Variants in MFHAS1 observed in about 807,000 individuals in gnomAD.
MFHAS1 encodes the protein multifunctional ROCO family signaling regulator 1.
A neutral mutation model predicts 70.4 loss-of-function variants in MFHAS1; 50 were observed. The observed-to-expected ratio is 0.71, with a 90% confidence interval of 0.57 to 0.90. The LOEUF (loss-of-function observed/expected upper bound fraction) is 0.90, where lower values mean the gene tolerates loss of function less well. MFHAS1 is among the 40% of genes least tolerant of loss of function. The pLI is 0.00. For missense variants in MFHAS1, 1,795 were observed against 1,347.6 expected (o/e 1.33, Z -5.20); for synonymous variants, 952 against 620.0 (o/e 1.54, Z -7.96).
At chr8:8,856,115 G>C (rs1472895777) in intron 1 of MFHAS1, among the ~76,000 whole-genome samples, 1 of 152,164 alleles carries the variant, frequency 6.6e-6, no homozygotes, top group African/African-American at 2.4e-5. Flanking sequence ...TGAGATGAGG[G>C]ATTCCCCATG....
intron 1 of MFHAS1, among the ~76,000 whole-genome samples, chr8:8,843,368 G>C (rs1585047184): frequency 6.6e-6 from 1 of 151,864 alleles, no homozygotes; most frequent in Non-Finnish European, 1.5e-5. Context: ...CAAATCACTT[G>C]AGGCCAGGAG....
chr8:8,804,391 A>C (rs1806206569), intron 1 of MFHAS1, among the ~76,000 whole-genome samples: 1 of 152,224 alleles, frequency 6.6e-6, no homozygotes, highest in South Asian at 2.1e-4. Context: ...AACTTCAATA[A>C]AATAAAATAA....
intron 1 of MFHAS1, among the ~76,000 whole-genome samples, chr8:8,857,470 G>C (rs1355992159): frequency 6.6e-6 from 1 of 152,054 alleles, no homozygotes; most frequent in Non-Finnish European, 1.5e-5. Flanking sequence ...AATTAAAAAT[G>C]AGTTCAGGCC....
At chr8:8,792,410 G>A (rs544529948) in intron 2 of MFHAS1, among the ~76,000 whole-genome samples, 11 of 152,284 alleles carry the variant, frequency 7.2e-5, no homozygotes, top group Non-Finnish European at 1.3e-4. Context: ...AGACCAGCCT[G>A]GTCAACATGG....
rs372634552 is a variant in MFHAS1 at position 8,891,443 on chromosome 8, G to C, written c.1616C>G (p.Ala539Gly). 7 of 1,612,896 alleles carry C rather than the reference G, an allele frequency of 4.3e-6. No homozygotes were observed. Among genetic ancestry groups the C allele is most frequent in the Non-Finnish European group, 5.1e-6 (6 of 1,180,044 alleles). The change falls in exon 1 of 3, where the codon GCA becomes GGA. Residue 539 changes from alanine (A) to glycine (G), a missense_variant. Physicochemically the swap from Ala to Gly is moderately conservative, Grantham distance 60. Coordinates refer to ENST00000276282, the MANE Select transcript of MFHAS1 (RefSeq NM_004225.3). This position sits in a 1 kb window ranked among gnomAD's most constrained non-coding sequence, Gnocchi z 5.4. ...HAVVCIVGTH[A>G]DLCGERELEE... The stretch of plus-strand genomic sequence containing the variant: ...CAGCTCACGCTCTCCGCACAGGTCT[G>C]CGTGGGTGCCCACGATGCACACCAC...
chr8:8,831,926 G>C (rs1435571107), intron 1 of MFHAS1, among the ~76,000 whole-genome samples: 3 of 152,064 alleles, frequency 2.0e-5, no homozygotes, highest in African/African-American at 4.8e-5. Flanking sequence ...ATTGATTTTT[G>C]ACAAGAGCCC....
chr8:8,793,971 T>G (rs1038840190), intron 2 of MFHAS1, among the ~76,000 whole-genome samples: 7 of 152,162 alleles, frequency 4.6e-5, no homozygotes, highest in Admixed American at 4.6e-4. Context: ...ATGGATCACT[T>G]GAGGTCAGGA....
At chr8:8,835,606 T>A (rs1285177375) in intron 1 of MFHAS1, among the ~76,000 whole-genome samples, 1 of 152,242 alleles carries the variant, frequency 6.6e-6, no homozygotes, top group East Asian at 1.9e-4. Flanking sequence ...TTTCAACAAC[T>A]TAATTTTCAG....
chr8:8,850,929 C>G (rs1056865588), intron 1 of MFHAS1, among the ~76,000 whole-genome samples: 3 of 152,140 alleles, frequency 2.0e-5, no homozygotes, highest in Admixed American at 1.3e-4. Context: ...CTTCTCTTTC[C>G]CCATCTCCAG....
At chr8:8,794,841 G>C (rs762309321) in intron 2 of MFHAS1, among the ~76,000 whole-genome samples, 1 of 152,138 alleles carries the variant, frequency 6.6e-6, no homozygotes, top group East Asian at 1.9e-4. Flanking sequence ...ATGTACCGCC[G>C]CTTACCCATG....
chr8:8,890,788 A>G lies in MFHAS1; in HGVS notation c.2271T>C (p.Ser757=). The part of the protein sequence containing the change: ...LLLHKLLLGT[S]GEGKAEGESS... ...TTTCCCCCTCCGCCTTGCCCTCTCC[A>G]CTGGTCCCTAGGAGCAGCTTATGCA... Residue 757 remains serine, a synonymous_variant, in exon 1 of 3, where the codon AGT becomes AGC. Coordinates refer to ENST00000276282, the MANE Select transcript of MFHAS1 (RefSeq NM_004225.3). 1 of 1,614,046 alleles carries G rather than the reference A, an allele frequency of 6.2e-7. No individual in the cohort carries two copies.
chr8:8,886,567 C>T (rs1193641927), intron 1 of MFHAS1, among the ~76,000 whole-genome samples: 1 of 152,192 alleles, frequency 6.6e-6, no homozygotes, highest in East Asian at 1.9e-4. Context: ...GAAAATCCAA[C>T]AGGACAAGGC....
chr8:8,849,144 G>A (rs146394997), intron 1 of MFHAS1, among the ~76,000 whole-genome samples: 7 of 123,990 alleles, frequency 5.6e-5, no homozygotes, highest in African/African-American at 1.8e-4. Context: ...GCAATGGCAC[G>A]ATCTCAGCTC....
At chr8:8,787,214 A>G (rs138255694) in intron 2 of MFHAS1, among the ~76,000 whole-genome samples, 3,934 of 151,874 alleles carry the variant, frequency 0.026, 83 homozygotes, top group Middle Eastern at 0.037. Flanking sequence ...CCGAGTAGCT[A>G]GGACTACATG....
intron 1 of MFHAS1, among the ~76,000 whole-genome samples, chr8:8,884,885 C>CA (rs1487600457): frequency 6.6e-6 from 1 of 152,016 alleles, no homozygotes; most frequent in East Asian, 1.9e-4. Context: ...CCCAAGAGGT[C>CA]GAGGCTGCAG....
intron 2 of MFHAS1, among the ~76,000 whole-genome samples, chr8:8,790,849 G>C (rs192764313): frequency 6.6e-6 from 1 of 152,252 alleles, no homozygotes; most frequent in South Asian, 2.1e-4. Context: ...TACTGCAACT[G>C]GTCTTAAATG....
At chr8:8,849,510 G>A (rs111339513) in intron 1 of MFHAS1, among the ~76,000 whole-genome samples, 5,370 of 152,272 alleles carry the variant, frequency 0.035, 153 homozygotes, top group Non-Finnish European at 0.054. Flanking sequence ...TGTGTATTCT[G>A]TGTCAGTAAG....
At chr8:8,833,162 G>C (rs1293992205) in intron 1 of MFHAS1, among the ~76,000 whole-genome samples, 1 of 152,074 alleles carries the variant, frequency 6.6e-6, no homozygotes, top group African/African-American at 2.4e-5. Context: ...CCACCAAAGG[G>C]GGACTGGTGC....
chr8:8,848,917 A>T (rs112929420), intron 1 of MFHAS1, among the ~76,000 whole-genome samples: 5,432 of 152,230 alleles, frequency 0.036, 155 homozygotes, highest in Non-Finnish European at 0.054. Flanking sequence ...TGAAGGTAGG[A>T]AGAGGGATTT....
Sources: allele counts gnomAD v4.1 joint callset (sites outside exome capture counted in the v4.1 genomes callset), GRCh38; gene constraint gnomAD v4.1.1; non-coding constraint Gnocchi (gnomAD v3.1); transcripts MANE v1.5; gene names NCBI Gene and HGNC (gene_info 2026-07-23, HGNC 2026-07-21).